The following FMO4 variants were observed in gnomAD, a reference collection of about 807,000 sequenced individuals.
FMO4 encodes flavin containing dimethylaniline monoxygenase 4.
FMO4 carries 38 observed loss-of-function variants against 43.3 expected under a neutral mutation model. The observed-to-expected ratio is 0.88, with a 90% CI of 0.68 to 1.15. The LOEUF (loss-of-function observed/expected upper bound fraction) is 1.15, where lower values mean the gene tolerates loss of function less well. Among genes scored for constraint, FMO4 ranks in the 50% most tolerant of loss-of-function variants. The pLI is 0.00. For missense variants in FMO4, 631 were observed against 663.3 expected (o/e 0.95, Z 0.54); for synonymous variants, 224 against 232.2 (o/e 0.96, Z 0.32).
chr1:171,331,494 T>C (rs573976353), intron 5 of FMO4, 146 bp from the exon 6 acceptor site: 1 of 676,794 alleles, frequency 1.5e-6, no homozygotes, highest in Non-Finnish European at 2.5e-6. Flanking sequence ...GGAGGTTATA[T>C]GCTTTTTCTA....
chr1:171,330,659 G>C (rs898964080), intron 5 of FMO4, among the ~76,000 whole-genome samples: 1 of 152,118 alleles, frequency 6.6e-6, no homozygotes, highest in African/African-American at 2.4e-5. Context: ...GCATGGGAAA[G>C]ACCTGCCCCC....
chr1:171,336,962 C>CAA (rs1491305093), intron 8 of FMO4, among the ~76,000 whole-genome samples: 3 of 54,498 alleles, frequency 5.5e-5, no homozygotes, highest in African/African-American at 2.3e-4. Flanking sequence ...CACAAACATG[C>CAA]ACACACACAC....
At chr1:171,332,375 A>G (rs1202230591) in intron 6 of FMO4, among the ~76,000 whole-genome samples, 1 of 152,202 alleles carries the variant, frequency 6.6e-6, no homozygotes, top group Non-Finnish European at 1.5e-5. Context: ...AAATAAGGTA[A>G]AATTGCTTTT....
chr1:171,321,430 C>T (rs1256007406), intron 3 of FMO4, among the ~76,000 whole-genome samples: 1 of 152,046 alleles, frequency 6.6e-6, no homozygotes, highest in Non-Finnish European at 1.5e-5. Flanking sequence ...ATAATATTTG[C>T]ATGTAGCCTA....
chr1:171,331,653 T>C lies in FMO4; in HGVS notation c.498T>C (p.Phe166=). ...PLEAFPGIHK[F]KGQILHSQEY... ...CACTCCTCTCAGGAATTCATAAGTT[T>C]AAAGGTCAGATCCTGCATAGTCAAG... Residue 166 remains phenylalanine (F), a synonymous_variant, in exon 6 of 10, where the codon TTT becomes TTC. Transcript: ENST00000367749. The C allele has an allele frequency of 6.2e-7, 1 of 1,613,918 alleles. No homozygotes were observed. The highest frequency in any genetic ancestry group is 8.5e-7 in the Non-Finnish European group (1 of 1,179,862).
rs527933354 is a variant in FMO4, at chr1:171,324,219, C to A, written c.403C>A (p.Gln135Lys). The A allele has an allele frequency of 1.9e-6, 3 of 1,613,696 alleles. No homozygotes were observed. Among genetic ancestry groups the A allele is most frequent in the African/African-American group, 1.3e-5 (1 of 75,004 alleles). The change falls in exon 5 of 10, where the codon CAA becomes AAA. Residue 135 changes from glutamine (Q) to lysine (K), a missense_variant. Gln to Lys is a moderately conservative substitution (Grantham distance 53). Transcript: ENST00000367749. ...TGTTGTCACAGAGACAGAGGGCAAGCAAAATAGAGCTGTCTTTGATGCTGT... is the reference window on the plus strand; with the variant it reads ...TGTTGTCACAGAGACAGAGGGCAAGAAAAATAGAGCTGTCTTTGATGCTGT... Reference protein sequence around the residue: ...WDVVTETEGKQNRAVFDAVMV... With the variant: ...WDVVTETEGKKNRAVFDAVMV...
At chr1:171,331,911 A>AG in intron 6 of FMO4, 129 bp downstream of exon 6, 1 of 816,492 alleles carries the variant, frequency 1.2e-6, no homozygotes, top group Non-Finnish European at 2.0e-6. Context: ...TGGGAAAAAA[A>AG]AAAAACATTG....
At chr1:171,334,381 C>A in intron 7 of FMO4, 30 bp from the exon 8 acceptor site, 1 of 1,331,126 alleles carries the variant, frequency 7.5e-7, no homozygotes, top group Non-Finnish European at 1.0e-6. Context: ...AAAATAACTA[C>A]AGTGAATAAT....
At chr1:171,340,061 G>C (rs542305799) in intron 9 of FMO4, among the ~76,000 whole-genome samples, 1 of 152,292 alleles carries the variant, frequency 6.6e-6, no homozygotes, top group South Asian at 2.1e-4. Flanking sequence ...GGTGAGAGAG[G>C]CAGCAAGTCT....
chr1:171,318,316 AAATAATAAT>A (rs536741358), intron 2 of FMO4, among the ~76,000 whole-genome samples: 32 of 149,032 alleles, frequency 2.1e-4, no homozygotes, highest in Non-Finnish European at 3.6e-4. Context: ...GACTGTCTCA[AAATAATAAT>A]AATAATAATA....
rs767284916 is a variant in FMO4 at position 171,331,810 on chromosome 1, A to G, written c.627+28A>G. 5.0e-5 allele frequency: 81 copies of G among 1,608,162 alleles called. No individual in the cohort carries two copies. In the South Asian group the frequency reaches 8.7e-4, roughly 17 times the overall value. ...ACATCATCTCTGAATTAATGCCCCT[A>G]ATCCCATCATCAGTTATGATGGCTG... On this transcript the variant is annotated intron_variant, in intron 6 of 9. Transcript: ENST00000367749.
At chr1:171,317,060 G>T (rs571203439) in intron 2 of FMO4, among the ~76,000 whole-genome samples, 2 of 152,166 alleles carry the variant, frequency 1.3e-5, no homozygotes, top group Non-Finnish European at 2.9e-5. Context: ...GGAACCACAG[G>T]ATACCTCAGG....
At chr1:171,322,761 G>A (rs910867621) in intron 3 of FMO4, among the ~76,000 whole-genome samples, 1 of 152,216 alleles carries the variant, frequency 6.6e-6, no homozygotes, top group Non-Finnish European at 1.5e-5. Context: ...GCTGAGGCAT[G>A]AGAATCGCTT....
chr1:171,317,661 C>G (rs1385553380), intron 2 of FMO4, among the ~76,000 whole-genome samples: 1 of 152,182 alleles, frequency 6.6e-6, no homozygotes, highest in Admixed American at 6.5e-5. Flanking sequence ...CGCTGACAAG[C>G]ATGAGCATCC....
At chr1:171,328,324 T>G (rs1486644468) in intron 5 of FMO4, among the ~76,000 whole-genome samples, 1 of 152,114 alleles carries the variant, frequency 6.6e-6, no homozygotes, top group Non-Finnish European at 1.5e-5. Flanking sequence ...ATTACAGGTG[T>G]GAGCCACCGC....
chr1:171,326,779 A>G (rs554511965), intron 5 of FMO4, among the ~76,000 whole-genome samples: 2 of 152,178 alleles, frequency 1.3e-5, no homozygotes, highest in Non-Finnish European at 2.9e-5. Flanking sequence ...TATCATGGAG[A>G]GTGACATGTG....
chr1:171,324,256 C>T lies in FMO4; in HGVS notation c.440C>T (p.Thr147Ile). Residue 147 changes from threonine to isoleucine, a missense_variant, in exon 5 of 10, where the codon ACT becomes ATT. By Grantham distance (89) the Thr-to-Ile change is moderately conservative. Coordinates refer to ENST00000367749, the MANE Select transcript of FMO4 (RefSeq NM_002022.3). ...GTCTTTGATGCTGTTATGGTTTGCA[C>T]TGGACATTTCCTGAATCCCCATTTA... ...RAVFDAVMVC[T>I]GHFLNPHLPL... 6.2e-7 allele frequency: 1 copy of T among 1,612,446 alleles called. No homozygotes were observed. Among genetic ancestry groups the T allele is most frequent in the Non-Finnish European group, 8.5e-7 (1 of 1,179,222 alleles).
chr1:171,325,666 G>C (rs1172837755), intron 5 of FMO4, among the ~76,000 whole-genome samples: 1 of 151,794 alleles, frequency 6.6e-6, no homozygotes, highest in Non-Finnish European at 1.5e-5. Flanking sequence ...AGTACTAAAG[G>C]AATATAAAAA....
intron 3 of FMO4, among the ~76,000 whole-genome samples, chr1:171,321,342 G>T (rs188670667): frequency 1.3e-5 from 2 of 152,068 alleles, no homozygotes; most frequent in Non-Finnish European, 2.9e-5. Flanking sequence ...CTTGGTGTCC[G>T]TGGGGGTTTA....
Sources: gnomAD v4.1 joint callset for allele counts (sites outside exome capture counted in the v4.1 genomes callset) on GRCh38, gnomAD v4.1.1 for gene constraint, MANE v1.5 for transcripts, NCBI Gene and HGNC (gene_info 2026-07-23, HGNC 2026-07-21) for gene names.